PTPRT: variants seen among roughly 807,000 people sequenced by gnomAD.
PTPRT encodes the protein protein tyrosine phosphatase receptor type T, also known as receptor-type tyrosine-protein phosphatase T.
In PTPRT, 56 loss-of-function variants were observed where a neutral mutation model predicts 176.8. The ratio of observed to expected loss-of-function variants is 0.32; its 90% confidence interval spans 0.26 to 0.40. PTPRT has a LOEUF of 0.40. PTPRT is among the 10% of genes least tolerant of loss of function. PTPRT has a pLI of 1.00. For synonymous variants in PTPRT, 783 were observed against 739.0 expected, an observed-to-expected ratio of 1.06 and a Z score of -0.96; for missense variants, 1,540 against 1,908.2, an observed-to-expected ratio of 0.81 and a Z score of 3.60.
downstream of PTPRT, among the ~76,000 whole-genome samples, chr20:42,072,268 C>A (rs1271360331): frequency 1.3e-5 from 2 of 152,208 alleles, no homozygotes; most frequent in African/African-American, 2.4e-5. Context: ...CCTTAGCCAA[C>A]ACATGAATGA....
intron 1 of PTPRT, among the ~76,000 whole-genome samples, chr20:43,167,913 T>A (rs532362554): frequency 8.0e-4 from 122 of 152,336 alleles, no homozygotes; most frequent in African/African-American, 2.8e-3. Flanking sequence ...ACTACAGCCT[T>A]ATGACAGATG....
intron 16 of PTPRT, among the ~76,000 whole-genome samples, chr20:42,183,996 C>T (rs1990626258): frequency 6.6e-6 from 1 of 152,078 alleles, no homozygotes; most frequent in South Asian, 2.1e-4. Flanking sequence ...CTAGATGTTA[C>T]AGTCATTTTA....
At chr20:42,935,147 ATTTTTTTTTTTTTTTTT>A (rs57178522) in intron 1 of PTPRT, among the ~76,000 whole-genome samples, 3 of 42,156 alleles carry the variant, frequency 7.1e-5, no homozygotes, top group African/African-American at 1.9e-4. Context: ...TTTTGCCATA[ATTTTTTTTTTTTTTTTT>A]TTTTTTTTTT....
At chr20:42,202,058 C>T (rs1991475504) in intron 15 of PTPRT, among the ~76,000 whole-genome samples, 1 of 151,984 alleles carries the variant, frequency 6.6e-6, no homozygotes, top group African/African-American at 2.4e-5. Context: ...CAGCCTCTGC[C>T]TCCCAGGCTC....
At chr20:42,910,340 C>T (rs958707163) in intron 1 of PTPRT, among the ~76,000 whole-genome samples, 1 of 152,214 alleles carries the variant, frequency 6.6e-6, no homozygotes, top group Admixed American at 6.5e-5. Flanking sequence ...TTGGCCATAT[C>T]CATGTACCAG....
chr20:42,748,922 G>A (rs1243130393), intron 6 of PTPRT, among the ~76,000 whole-genome samples: 4 of 152,050 alleles, frequency 2.6e-5, no homozygotes, highest in Non-Finnish European at 4.4e-5. Context: ...CCCTTTATTC[G>A]CTGCCCTTGA....
chr20:42,154,518 G>T (rs1289244067), intron 17 of PTPRT, among the ~76,000 whole-genome samples: 3 of 152,174 alleles, frequency 2.0e-5, no homozygotes, highest in Non-Finnish European at 4.4e-5. Context: ...TCTTCATTAG[G>T]CTGCATCATA....
intron 7 of PTPRT, among the ~76,000 whole-genome samples, chr20:42,605,619 C>A (rs1187460337): frequency 6.6e-6 from 1 of 152,114 alleles, no homozygotes; most frequent in Non-Finnish European, 1.5e-5. Flanking sequence ...GTGAAGTTTG[C>A]AAATGATTGA....
chr20:43,067,489 T>C (rs898933784), intron 1 of PTPRT, among the ~76,000 whole-genome samples: 1 of 152,176 alleles, frequency 6.6e-6, no homozygotes, highest in African/African-American at 2.4e-5. Context: ...TTAACCTCAA[T>C]ACATTTTTTA....
At chr20:42,444,749 T>C (rs1243427402) in intron 9 of PTPRT, among the ~76,000 whole-genome samples, 2 of 152,214 alleles carry the variant, frequency 1.3e-5, no homozygotes, top group African/African-American at 4.8e-5. Flanking sequence ...GAGGGTAATT[T>C]GTAATTTATG....
At chr20:42,994,138 T>G (rs1453301800) in intron 1 of PTPRT, among the ~76,000 whole-genome samples, 1 of 152,218 alleles carries the variant, frequency 6.6e-6, no homozygotes, top group Non-Finnish European at 1.5e-5. Context: ...TTCATTGATC[T>G]CTCCCTAGGC....
At chr20:42,447,710 C>G (rs892761780) in intron 9 of PTPRT, among the ~76,000 whole-genome samples, 1 of 152,094 alleles carries the variant, frequency 6.6e-6, no homozygotes, top group Non-Finnish European at 1.5e-5. Context: ...CCAGCTAATG[C>G]TTGGAATGGG....
At chr20:42,377,764 T>C (rs2058665125) in intron 9 of PTPRT, among the ~76,000 whole-genome samples, 1 of 152,164 alleles carries the variant, frequency 6.6e-6, no homozygotes, top group Non-Finnish European at 1.5e-5. Flanking sequence ...GCCACCTCTG[T>C]AAATTGCCTG....
intron 1 of PTPRT, among the ~76,000 whole-genome samples, chr20:42,917,745 T>C (rs1978870197): frequency 1.3e-5 from 2 of 151,964 alleles, no homozygotes; most frequent in African/African-American, 2.4e-5. Flanking sequence ...ATTTTACTGA[T>C]AAAAAAACAA....
chr20:42,472,304 A>G lies in PTPRT; in HGVS notation c.1412T>C (p.Met471Thr), dbSNP rs1319238979. The G allele has an allele frequency of 2.5e-6, 4 of 1,614,148 alleles. No individual in the cohort carries two copies. Among genetic ancestry groups the G allele is most frequent in the Non-Finnish European group, 3.4e-6 (4 of 1,180,014 alleles). The part of the protein sequence containing the change: ...RLLLSNPEGR[M>T]ESEELVVQTE... Reference sequence around the variant, plus strand: ...CTGCACCACCAGCTCCTCGCTCTCCATTCGGCCCTCGGGGTTAGACAGCAA... The same window carrying G: ...CTGCACCACCAGCTCCTCGCTCTCCGTTCGGCCCTCGGGGTTAGACAGCAA... Residue 471 changes from methionine (M) to threonine (T), a missense_variant, in exon 8 of 31, where the codon ATG (methionine) becomes ACG (threonine). Met to Thr is a moderately conservative substitution (Grantham distance 81, BLOSUM62 -1). Transcript: ENST00000373187.
chr20:42,553,632 C>T (rs1414923743), intron 7 of PTPRT, among the ~76,000 whole-genome samples: 2 of 152,106 alleles, frequency 1.3e-5, no homozygotes, highest in Non-Finnish European at 2.9e-5. Flanking sequence ...CTCTCTCCCC[C>T]ACACTTTCAC....
chr20:42,852,973 C>A (rs141692539), intron 2 of PTPRT, among the ~76,000 whole-genome samples: 7 of 152,258 alleles, frequency 4.6e-5, no homozygotes, highest in Non-Finnish European at 1.0e-4. Context: ...AGCTGCCCAG[C>A]AAAGATGTTC....
the PTPRT span, among the ~76,000 whole-genome samples, chr20:42,054,658 A>G: frequency 2.0e-5 from 3 of 151,924 alleles, no homozygotes; most frequent in Non-Finnish European, 2.9e-5. Flanking sequence ...CTATTCCATC[A>G]CCTCTTCCCT....
At chr20:42,747,682 T>G (rs149551398) in intron 6 of PTPRT, among the ~76,000 whole-genome samples, 137 of 152,192 alleles carry the variant, frequency 9.0e-4, no homozygotes, top group African/African-American at 2.9e-3. Flanking sequence ...GGACAGCAAG[T>G]GCAAAGGTCA....
Sources: allele counts gnomAD v4.1 joint callset (sites outside exome capture counted in the v4.1 genomes callset), GRCh38; gene constraint gnomAD v4.1.1; transcripts MANE v1.5; gene names NCBI Gene and HGNC (gene_info 2026-07-23, HGNC 2026-07-21).